Variants in MSI2 observed in about 807,000 individuals in gnomAD.
The protein encoded by MSI2 is RNA-binding protein Musashi homolog 2.
In MSI2, 17 loss-of-function variants were observed where a neutral mutation model predicts 45.6. The observed-to-expected ratio is 0.37, with a 90% confidence interval of 0.26 to 0.56. The LOEUF is 0.56. Among genes scored for constraint, MSI2 ranks in the 20% least tolerant of loss-of-function variants. The pLI, the probability that MSI2 is intolerant of heterozygous loss-of-function variation, is 0.77. For missense variants in MSI2, 293 were observed against 444.2 expected, an observed-to-expected ratio of 0.66 and a Z score of 3.06; for synonymous variants, 156 against 158.2, an observed-to-expected ratio of 0.99 and a Z score of 0.11.
At chr17:57,499,476 G>T (rs185382246) in intron 6 of MSI2, among the ~76,000 whole-genome samples, 40 of 151,716 alleles carry the variant, frequency 2.6e-4, no homozygotes, top group African/African-American at 8.7e-4. Context: ...ATCAAGGGCA[G>T]ACTTGAAAAG....
At chr17:57,546,946 T>TA (rs1158129445) in intron 7 of MSI2, among the ~76,000 whole-genome samples, 6 of 152,188 alleles carry the variant, frequency 3.9e-5, no homozygotes, top group Non-Finnish European at 5.9e-5. Flanking sequence ...AGAAGGAACA[T>TA]ACATCACACG....
chr17:57,537,500 A>G (rs937529353), intron 7 of MSI2, among the ~76,000 whole-genome samples: 5 of 152,228 alleles, frequency 3.3e-5, no homozygotes, highest in African/African-American at 9.6e-5. Context: ...TGACCTCGCA[A>G]ATAACCAATT....
chr17:57,471,128 C>A (rs538967351), intron 6 of MSI2, among the ~76,000 whole-genome samples: 1 of 152,198 alleles, frequency 6.6e-6, no homozygotes, highest in Non-Finnish European at 1.5e-5. Flanking sequence ...ACACCCTACC[C>A]CCTACTCTTT....
At chr17:57,347,738 C>T (rs1182140013) in intron 5 of MSI2, among the ~76,000 whole-genome samples, 2 of 152,202 alleles carry the variant, frequency 1.3e-5, no homozygotes, top group Non-Finnish European at 2.9e-5. Flanking sequence ...AGGTTCTCCA[C>T]AATACCTGCT....
chr17:57,289,962 C>T (rs1910267146), intron 5 of MSI2, among the ~76,000 whole-genome samples: 1 of 152,212 alleles, frequency 6.6e-6, no homozygotes, highest in Non-Finnish European at 1.5e-5. Context: ...CCCATGATGT[C>T]TTGGTGACTT....
At chr17:57,388,399 A>G (rs529007416) in intron 5 of MSI2, among the ~76,000 whole-genome samples, 1 of 152,282 alleles carries the variant, frequency 6.6e-6, no homozygotes, top group Admixed American at 6.5e-5. Flanking sequence ...CTCAGGGTGC[A>G]ATGTGCTTAT....
chr17:57,435,639 C>T (rs2084677654), intron 6 of MSI2, among the ~76,000 whole-genome samples: 1 of 152,186 alleles, frequency 6.6e-6, no homozygotes, highest in Non-Finnish European at 1.5e-5. Flanking sequence ...GTCAATACAG[C>T]ATGCTCACCA....
At chr17:57,356,960 G>A (rs995011004) in intron 5 of MSI2, among the ~76,000 whole-genome samples, 6 of 152,264 alleles carry the variant, frequency 3.9e-5, no homozygotes, top group Middle Eastern at 3.4e-3. Context: ...GCAAATTGGT[G>A]TGGTTATTTT....
At chr17:57,656,093 G>A (rs552685108) in intron 11 of MSI2, among the ~76,000 whole-genome samples, 5 of 152,216 alleles carry the variant, frequency 3.3e-5, no homozygotes, top group Admixed American at 2.6e-4. Flanking sequence ...TTGACGGCTC[G>A]GCACAGCACG....
At chr17:57,578,481 G>C (rs986360765) in intron 7 of MSI2, among the ~76,000 whole-genome samples, 34 of 151,962 alleles carry the variant, frequency 2.2e-4, no homozygotes, top group African/African-American at 7.3e-4. Context: ...CAGGACTGGG[G>C]GGGTAGGATG....
chr17:57,613,491 T>TA (rs10711103), intron 8 of MSI2, among the ~76,000 whole-genome samples: 15 of 151,228 alleles, frequency 9.9e-5, no homozygotes, highest in South Asian at 2.1e-4. Context: ...TTCCTTTTAT[T>TA]AAAAAAAAAA....
chr17:57,558,178 C>T (rs987715061), intron 7 of MSI2, among the ~76,000 whole-genome samples: 2 of 152,068 alleles, frequency 1.3e-5, no homozygotes, highest in African/African-American at 4.8e-5. Flanking sequence ...AGAAATTCCA[C>T]GCCGTTATGG....
intron 6 of MSI2, among the ~76,000 whole-genome samples, chr17:57,426,198 C>T (rs937981054): frequency 8.5e-5 from 13 of 152,100 alleles, no homozygotes; most frequent in African/African-American, 2.9e-4. Flanking sequence ...TGTGTTTAGT[C>T]GTGATTTTTA....
At chr17:57,445,548 C>T (rs1450151655) in intron 6 of MSI2, among the ~76,000 whole-genome samples, 7 of 19,832 alleles carry the variant, frequency 3.5e-4, no homozygotes, top group Non-Finnish European at 1.1e-3. Flanking sequence ...AGTGACAGGG[C>T]GGTGGGGGGG....
Position 57,466,201 on chromosome 17 carries a change from G to C in MSI2, c.406-63475G>C, listed in dbSNP as rs529991080. 1.4e-4 allele frequency among the ~76,000 whole-genome samples: 22 copies of C among 152,346 alleles called. No homozygotes were observed. In the South Asian group the frequency reaches 2.7e-3, roughly 19 times the overall value. ...TTTGGACCCAACGTTTAGTGGCAAT[G>C]ACTGTGGGGAGGCTTCTGACTGGAA... is the stretch of plus-strand genomic sequence containing the variant. On this transcript the variant is annotated intron_variant, in intron 6 of 13. Coordinates refer to ENST00000284073, the MANE Select transcript of MSI2 (RefSeq NM_138962.4).
chr17:57,345,650 C>T (rs1441689458), intron 5 of MSI2, among the ~76,000 whole-genome samples: 2 of 151,978 alleles, frequency 1.3e-5, no homozygotes, highest in African/African-American at 4.8e-5. Context: ...AAAACCCTGT[C>T]TGTGCTAAAA....
At chr17:57,661,662 A>G (rs973914229) in intron 11 of MSI2, among the ~76,000 whole-genome samples, 8 of 152,192 alleles carry the variant, frequency 5.3e-5, no homozygotes, top group African/African-American at 1.9e-4. Context: ...TTCCATGGCA[A>G]ATCTCTGCCT....
intron 6 of MSI2, among the ~76,000 whole-genome samples, chr17:57,510,877 G>A (rs1225720618): frequency 1.3e-5 from 2 of 152,200 alleles, no homozygotes; most frequent in Non-Finnish European, 2.9e-5. Context: ...AACTGGGGTT[G>A]GGAGCAGGCA....
downstream of MSI2, among the ~76,000 whole-genome samples, chr17:57,684,974 T>G (rs985095086): frequency 1.3e-5 from 2 of 152,082 alleles, no homozygotes; most frequent in Non-Finnish European, 2.9e-5. Flanking sequence ...GGACAGGGAA[T>G]AAACCCCAAA....
Sources: allele counts gnomAD v4.1 joint callset (sites outside exome capture counted in the v4.1 genomes callset), GRCh38; gene constraint gnomAD v4.1.1; transcripts MANE v1.5; gene names NCBI Gene and HGNC (gene_info 2026-07-23, HGNC 2026-07-21).